The following PPIL6 variants were observed in gnomAD, a reference collection of about 807,000 sequenced individuals.
The protein encoded by PPIL6 is peptidylprolyl isomerase like 6, also known as probable inactive peptidyl-prolyl cis-trans isomerase-like 6.
Under a neutral mutation model 36.8 loss-of-function variants are expected in PPIL6, and 39 were observed. The observed-to-expected ratio is 1.06, with a 90% confidence interval of 0.82 to 1.38. The LOEUF (loss-of-function observed/expected upper bound fraction) is 1.38. PPIL6 is among the 40% of genes most tolerant of loss of function. PPIL6 has a pLI of 0.00. For synonymous variants in PPIL6, 123 were observed against 134.1 expected (o/e 0.92, Z 0.57); for missense variants, 368 against 379.1 (o/e 0.97, Z 0.24).
intron 7 of PPIL6, among the ~76,000 whole-genome samples, chr6:109,394,047 C>A (rs1332322302): frequency 6.6e-6 from 1 of 152,184 alleles, no homozygotes; most frequent in Non-Finnish European, 1.5e-5. Context: ...ACAACATCCA[C>A]TGAGTGATGA....
At chr6:109,407,616 AC>A (rs1305466663) in intron 6 of PPIL6, among the ~76,000 whole-genome samples, 1 of 152,166 alleles carries the variant, frequency 6.6e-6, no homozygotes, top group African/African-American at 2.4e-5. Context: ...ATTCTCAAGG[AC>A]AAACAAAATG....
At chr6:109,395,523 C>T (rs1416876625) in intron 7 of PPIL6, among the ~76,000 whole-genome samples, 1 of 151,828 alleles carries the variant, frequency 6.6e-6, no homozygotes, top group East Asian at 1.9e-4. Context: ...GTGCAGAATA[C>T]AGGACATTTC....
intron 7 of PPIL6, among the ~76,000 whole-genome samples, 163 bp downstream of exon 7, chr6:109,399,872 T>A (rs1161572413): frequency 6.6e-6 from 1 of 152,244 alleles, no homozygotes; most frequent in East Asian, 1.9e-4. Flanking sequence ...AGCAAACTTC[T>A]TGCAAAATAT....
chr6:109,426,816 A>G, intron 5 of PPIL6, 31 bp downstream of exon 5: 2 of 1,429,118 alleles, frequency 1.4e-6, no homozygotes, highest in South Asian at 1.5e-5. Flanking sequence ...TTGATATTGC[A>G]ATTAACTCGT....
intron 6 of PPIL6, 121 bp from the exon 7 acceptor site, chr6:109,400,291 A>G: frequency 1.3e-6 from 1 of 750,844 alleles, no homozygotes; most frequent in South Asian, 2.7e-5. Context: ...AATGGATTCC[A>G]AATTGTAAAT....
At chr6:109,406,483 AG>A (rs1162034907) in intron 6 of PPIL6, among the ~76,000 whole-genome samples, 2 of 152,308 alleles carry the variant, frequency 1.3e-5, no homozygotes, top group South Asian at 4.1e-4. Context: ...TTTCAACAGA[AG>A]CCTCATCATG....
At chr6:109,424,157 G>A (rs1773693359) in intron 5 of PPIL6, among the ~76,000 whole-genome samples, 1 of 152,118 alleles carries the variant, frequency 6.6e-6, no homozygotes. Context: ...TTCATATAGG[G>A]TGGTCCGGTA....
intron 7 of PPIL6, among the ~76,000 whole-genome samples, chr6:109,395,595 C>T (rs1311621307): frequency 1.4e-5 from 2 of 146,714 alleles, no homozygotes; most frequent in Admixed American, 1.4e-4. Flanking sequence ...CCCTCACCCC[C>T]GACTCTAACT....
At chr6:109,421,484 G>A (rs1319289271) in intron 5 of PPIL6, among the ~76,000 whole-genome samples, 1 of 152,220 alleles carries the variant, frequency 6.6e-6, no homozygotes, top group Non-Finnish European at 1.5e-5. Flanking sequence ...CATAGGTAGA[G>A]CACTCAGGCA....
At chr6:109,433,697 T>C (rs1430569360) in intron 2 of PPIL6, among the ~76,000 whole-genome samples, 4 of 152,070 alleles carry the variant, frequency 2.6e-5, no homozygotes, top group African/African-American at 9.7e-5. Context: ...AGAGACCAAA[T>C]GAGCTAAGAA....
intron 3 of PPIL6, among the ~76,000 whole-genome samples, chr6:109,428,217 A>C (rs1266184619): frequency 6.6e-6 from 1 of 152,168 alleles, no homozygotes. Context: ...TTAGGGGCTA[A>C]AGCACATTTA....
chr6:109,429,527 A>G (rs1774010427), intron 3 of PPIL6, among the ~76,000 whole-genome samples: 1 of 152,114 alleles, frequency 6.6e-6, no homozygotes, highest in East Asian at 1.9e-4. Context: ...ACTAGAACCT[A>G]AAGGGGCCAG....
At chr6:109,422,412 A>T (rs879402559) in intron 5 of PPIL6, among the ~76,000 whole-genome samples, 1 of 152,178 alleles carries the variant, frequency 6.6e-6, no homozygotes, top group Non-Finnish European at 1.5e-5. Flanking sequence ...GGCAACATAC[A>T]GAGACCCTGT....
At chr6:109,425,672 C>G (rs1253197584) in intron 5 of PPIL6, among the ~76,000 whole-genome samples, 1 of 150,926 alleles carries the variant, frequency 6.6e-6, no homozygotes, top group Non-Finnish European at 1.5e-5. Context: ...ATTACTTGAA[C>G]CTGGGAGGTG....
chr6:109,440,520 A>G lies in PPIL6; in HGVS notation c.71T>C (p.Leu24Pro), dbSNP rs764879652. 22 of 1,511,202 alleles carry G rather than the reference A, an allele frequency of 1.5e-5. No individual in the cohort carries two copies. Among genetic ancestry groups the G allele is most frequent in the Non-Finnish European group, 1.8e-5 (20 of 1,130,866 alleles). 93.6% of individuals were successfully genotyped at this position (1,511,202 alleles called of 1,614,324 possible). ...CGSPSLPERP[L>P]QVKVVGLFSC... is the part of the protein sequence containing the mutation. ...GAAGAGCCCCACCACCTTCACCTGC[A>G]GCGGCCGCTCCGGCAGCGACGGCGA... The change falls in exon 1 of 8, where the codon CTG becomes CCG. Residue 24 changes from leucine to proline, a missense_variant. Physicochemically the swap from Leu to Pro is moderately conservative, Grantham distance 98. Coordinates refer to ENST00000521072, the MANE Select transcript of PPIL6 (RefSeq NM_173672.5).
chr6:109,403,730 A>C (rs1331637281), intron 6 of PPIL6, among the ~76,000 whole-genome samples: 1 of 152,220 alleles, frequency 6.6e-6, no homozygotes, highest in Non-Finnish European at 1.5e-5. Flanking sequence ...TTCGTTTATA[A>C]AATGATAATC....
At chr6:109,431,980 A>G (rs537605150) in intron 2 of PPIL6, among the ~76,000 whole-genome samples, 10 of 152,318 alleles carry the variant, frequency 6.6e-5, no homozygotes, top group Admixed American at 5.9e-4. Flanking sequence ...TTAACACTCT[A>G]TATTAATTTT....
chr6:109,440,603 GGACGCCCGGT>G lies in PPIL6; in HGVS notation c.-23_-14del. 2.2e-6 allele frequency: 3 copies of G among 1,333,736 alleles called. No homozygotes were observed. Among genetic ancestry groups the G allele is most frequent in the Non-Finnish European group, 2.9e-6 (3 of 1,044,118 alleles). 82.6% of individuals were successfully genotyped at this position (1,333,736 alleles called of 1,614,324 possible). ...GCGGCCTTGCCATGGCCGCGCCCGG[GGACGCCCGGT>G]GACCCCAAACACTGCGCGTCGCTCC... is the stretch of plus-strand genomic sequence containing the variant. On this transcript the variant is annotated 5_prime_UTR_variant, in exon 1 of 8. Transcript: ENST00000521072.
intron 3 of PPIL6, among the ~76,000 whole-genome samples, chr6:109,428,465 TCA>T (rs1345539537): frequency 6.7e-6 from 1 of 150,176 alleles, no homozygotes; most frequent in Non-Finnish European, 1.5e-5. Flanking sequence ...GGCAATAGGA[TCA>T]CCTGAGCCCA....
Sources: allele counts gnomAD v4.1 joint callset (sites outside exome capture counted in the v4.1 genomes callset), GRCh38; gene constraint gnomAD v4.1.1; transcripts MANE v1.5; gene names NCBI Gene and HGNC (gene_info 2026-07-23, HGNC 2026-07-21).